Variants in OTOGL observed in about 807,000 individuals in gnomAD.
OTOGL encodes otogelin like.
In OTOGL, 285 loss-of-function variants were observed where a neutral mutation model predicts 318.5. The ratio of observed to expected loss-of-function variants is 0.89; its 90% CI spans 0.81 to 0.99. The LOEUF (loss-of-function observed/expected upper bound fraction) is 0.99, where lower values mean the gene tolerates loss of function less well. Among genes scored for constraint, OTOGL ranks in the 50% least tolerant of loss-of-function variants. OTOGL has a pLI of 0.00. For synonymous variants in OTOGL, 987 were observed against 936.5 expected, an observed-to-expected ratio of 1.05 and a Z score of -0.99; for missense variants, 2,899 against 2,845.6, an observed-to-expected ratio of 1.02 and a Z score of -0.43.
At chr12:80,340,866 A>G (rs1156230431) in intron 43 of OTOGL, among the ~76,000 whole-genome samples, 1 of 151,880 alleles carries the variant, frequency 6.6e-6, no homozygotes, top group Non-Finnish European at 1.5e-5. Context: ...TATTTTTACT[A>G]GAAATTACCT....
intron 1 of OTOGL, among the ~76,000 whole-genome samples, chr12:80,142,400 A>G (rs1872010245): frequency 6.6e-6 from 1 of 152,196 alleles, no homozygotes; most frequent in African/African-American, 2.4e-5. Context: ...AAACATAGTG[A>G]AAGTTCTGAG....
At chr12:80,366,696 T>C (rs1592764175) in intron 53 of OTOGL, 59 bp downstream of exon 53, 1 of 497,232 alleles carries the variant, frequency 2.0e-6, no homozygotes, top group Non-Finnish European at 3.0e-6. Flanking sequence ...ATCTGTTTTT[T>C]CACTATTAAT....
At chr12:80,159,762 A>C (rs985523810) in intron 1 of OTOGL, among the ~76,000 whole-genome samples, 1 of 152,116 alleles carries the variant, frequency 6.6e-6, no homozygotes, top group Non-Finnish European at 1.5e-5. Flanking sequence ...TAAAATTCAT[A>C]TGGAACCAAA....
At chr12:80,153,278 A>T (rs79275607) in intron 1 of OTOGL, among the ~76,000 whole-genome samples, 2,819 of 152,230 alleles carry the variant, frequency 0.019, 81 homozygotes, top group African/African-American at 0.062. Flanking sequence ...ATGTCCTCAG[A>T]TGGTGGAAGG....
In OTOGL at chr12:80,355,224, CTTTTCTTTTTTTTT is replaced by C. The variant is rs1889804133; in HGVS notation, c.5594-507_5594-494del. Among the ~76,000 whole-genome samples the C allele has an allele frequency of 5.3e-4, 35 of 65,630 alleles. 1 individual carries two copies. Among genetic ancestry groups the C allele is most frequent in the East Asian group, 3.7e-3 (9 of 2,408 alleles). The allele number at this position is 65,630 out of a possible 152,430, so 43.1% of individuals were successfully genotyped here. On this transcript the variant is annotated intron_variant, in intron 46 of 58. Transcript: ENST00000547103. Reference sequence around the variant, plus strand: ...ACTTTTTTCTTTTCTTTCTTTCTTTCTTTTCTTTTTTTTTTTTTTTTTTTGAGACAGGATCTACT... The same window carrying C: ...ACTTTTTTCTTTTCTTTCTTTCTTTCTTTTTTTTTTGAGACAGGATCTACT...
intron 8 of OTOGL, 65 bp downstream of exon 8, chr12:80,229,443 A>G (rs925232324): frequency 3.3e-5 from 49 of 1,502,652 alleles, no homozygotes; most frequent in Non-Finnish European, 4.3e-5. Context: ...CAAACATCAC[A>G]TGCTGGAAGT....
intron 4 of OTOGL, among the ~76,000 whole-genome samples, chr12:80,212,749 T>C (rs1877363369): frequency 6.6e-6 from 1 of 152,238 alleles, no homozygotes; most frequent in African/African-American, 2.4e-5. Flanking sequence ...AATGTTGAAT[T>C]GCAAATAGTT....
chr12:80,292,937 C>A, intron 26 of OTOGL, among the ~76,000 whole-genome samples: 1 of 151,914 alleles, frequency 6.6e-6, no homozygotes, highest in African/African-American at 2.4e-5. Flanking sequence ...GCCCTAATAC[C>A]CAAAAAGTTA....
At chr12:80,205,682 A>G (rs1565899070) in intron 1 of OTOGL, among the ~76,000 whole-genome samples, 1 of 152,174 alleles carries the variant, frequency 6.6e-6, no homozygotes, top group Non-Finnish European at 1.5e-5. Context: ...AAATCTATGA[A>G]CTTGAAATGT....
intron 1 of OTOGL, among the ~76,000 whole-genome samples, chr12:80,125,108 CT>C (rs1870738854): frequency 6.6e-6 from 1 of 152,196 alleles, no homozygotes; most frequent in African/African-American, 2.4e-5. Flanking sequence ...GCATCCCTGT[CT>C]TGTGCTGGTT....
At chr12:80,310,072 G>T (rs1886529491) in intron 29 of OTOGL, among the ~76,000 whole-genome samples, 1 of 152,118 alleles carries the variant, frequency 6.6e-6, no homozygotes, top group South Asian at 2.1e-4. Context: ...GAAGGGTAAA[G>T]TATTAAATAG....
In OTOGL at chr12:80,339,101, T is replaced by A; in HGVS notation, c.4887T>A (p.Pro1629=). Residue 1629 remains proline (P), a synonymous_variant, in exon 43 of 59, where the codon CCT becomes CCA. Transcript: ENST00000547103. The part of the protein sequence containing the change: ...RKVEVDSIVV[P]LPFSSQELSI... ...TAGAAGTGGATTCCATTGTTGTGCCTTTGCCCTTTTCAAGTCAGGAACTGT... is the reference window on the plus strand; with the variant it reads ...TAGAAGTGGATTCCATTGTTGTGCCATTGCCCTTTTCAAGTCAGGAACTGT... 1.9e-6 allele frequency: 3 copies of A among 1,610,436 alleles called. No individual in the cohort carries two copies. Among genetic ancestry groups the A allele is most frequent in the Non-Finnish European group, 1.7e-6 (2 of 1,177,068 alleles).
At chr12:80,249,244 C>T (rs1369372234) in intron 11 of OTOGL, among the ~76,000 whole-genome samples, 3 of 150,354 alleles carry the variant, frequency 2.0e-5, no homozygotes, top group East Asian at 1.9e-4. Context: ...AGGCGCTCTG[C>T]GTTTTAGAGT....
rs1424941461 is a variant in OTOGL, at chr12:80,279,139, C to T, written c.2901C>T (p.Ile967=). ...TTGATGGACTAGAATATGACTATAT[C>T]AGTGATTGCCAGGTGTTTTTGATAA... ...YSFDGLEYDY[I]SDCQVFLIKS... The change falls in exon 26 of 59, where the codon ATC becomes ATT. Residue 967 remains isoleucine (I), a synonymous_variant. Coordinates refer to ENST00000547103, the MANE Select transcript of OTOGL (RefSeq NM_001378609.3). The T allele has an allele frequency of 6.3e-7, 1 of 1,591,842 alleles. No individual in the cohort carries two copies. Among genetic ancestry groups the T allele is most frequent in the Non-Finnish European group, 8.5e-7 (1 of 1,175,722 alleles).
At chr12:80,117,001 T>C (rs540419259) in intron 1 of OTOGL, among the ~76,000 whole-genome samples, 43 of 152,172 alleles carry the variant, frequency 2.8e-4, no homozygotes, top group Admixed American at 1.6e-3. Context: ...AGGAAAGCCA[T>C]AGGACAGGAG....
intron 8 of OTOGL, among the ~76,000 whole-genome samples, chr12:80,230,204 C>G (rs1226830229): frequency 1.3e-5 from 2 of 152,078 alleles, no homozygotes; most frequent in African/African-American, 4.8e-5. Context: ...TTTATCAACC[C>G]GTGTTGCTTT....
intron 5 of OTOGL, among the ~76,000 whole-genome samples, chr12:80,218,388 A>C (rs974596343): frequency 6.6e-6 from 1 of 152,208 alleles, no homozygotes; most frequent in African/African-American, 2.4e-5. Context: ...AGATCAGTGG[A>C]TCTTAAGGTG....
At chr12:80,230,335 T>A (rs1879253837) in intron 8 of OTOGL, among the ~76,000 whole-genome samples, 1 of 152,156 alleles carries the variant, frequency 6.6e-6, no homozygotes, top group African/African-American at 2.4e-5. Context: ...GTCTGAGGCT[T>A]ATTTTCTTGG....
At chr12:80,323,226 G>T (rs1226776307) in intron 34 of OTOGL, among the ~76,000 whole-genome samples, 2 of 151,814 alleles carry the variant, frequency 1.3e-5, no homozygotes. Flanking sequence ...AGGTGTACAT[G>T]TAGATATTTA....
Sources: allele counts gnomAD v4.1 joint callset (sites outside exome capture counted in the v4.1 genomes callset), GRCh38; gene constraint gnomAD v4.1.1; transcripts MANE v1.5; gene names NCBI Gene and HGNC (gene_info 2026-07-23, HGNC 2026-07-21).